The following PRELID2 variants were observed in gnomAD, a reference collection of about 807,000 sequenced individuals.
PRELID2 encodes the protein PRELI domain containing 2.
A neutral mutation model predicts 28.4 loss-of-function variants in PRELID2; 25 were observed. The observed-to-expected ratio is 0.88, with a 90% CI of 0.64 to 1.23. The LOEUF is 1.23. Among genes scored for constraint, PRELID2 ranks in the 50% most tolerant of loss-of-function variants. The probability of loss-of-function intolerance (pLI) is 0.00; values close to 1 mark genes in which losing one functional copy is unlikely to be tolerated. For missense variants in PRELID2, 201 were observed against 214.4 expected (o/e 0.94, Z 0.39); for synonymous variants, 76 against 71.6 (o/e 1.06, Z -0.31).
intron 3 of PRELID2, among the ~76,000 whole-genome samples, chr5:145,818,361 C>T (rs1444333426): frequency 6.6e-6 from 1 of 152,150 alleles, no homozygotes; most frequent in Non-Finnish European, 1.5e-5. Flanking sequence ...CTGGTTATGG[C>T]CTTCTTAAAT....
chr5:145,557,583 T>C (rs1752890354), intron 1 of PRELID2, among the ~76,000 whole-genome samples: 1 of 152,172 alleles, frequency 6.6e-6, no homozygotes. Flanking sequence ...CCAGAGGAGA[T>C]GCCGCTGGTG....
the PRELID2 span, among the ~76,000 whole-genome samples, chr5:145,416,946 C>T: frequency 1.3e-5 from 2 of 151,782 alleles, no homozygotes; most frequent in Non-Finnish European, 2.9e-5. Flanking sequence ...AAGTTAGTTA[C>T]ATCCTAGATA....
chr5:145,314,366 C>A, the PRELID2 span, among the ~76,000 whole-genome samples: 7 of 151,994 alleles, frequency 4.6e-5, no homozygotes, highest in Admixed American at 1.3e-4. Flanking sequence ...TTTAAATAAG[C>A]CATTGATTTT....
intron 5 of PRELID2, among the ~76,000 whole-genome samples, chr5:145,790,721 G>GTGTGGGTGTGTATA (rs772901344): frequency 9.0e-6 from 1 of 110,910 alleles, no homozygotes; most frequent in Admixed American, 1.0e-4. Context: ...GTGTGTGTGT[G>GTGTGGGTGTGTATA]TATATATATA....
At chr5:145,585,714 C>A (rs1435848563) in intron 1 of PRELID2, among the ~76,000 whole-genome samples, 2 of 152,082 alleles carry the variant, frequency 1.3e-5, no homozygotes, top group African/African-American at 2.4e-5. Flanking sequence ...TGCAAAGGGA[C>A]CTTTTTTTAA....
chr5:145,315,800 G>A, the PRELID2 span, among the ~76,000 whole-genome samples: 1 of 152,156 alleles, frequency 6.6e-6, no homozygotes, highest in Non-Finnish European at 1.5e-5. Context: ...GTAATAGGTG[G>A]AGGTAACAGG....
chr5:145,728,127 G>A (rs1435940721), intron 1 of PRELID2, among the ~76,000 whole-genome samples: 1 of 151,862 alleles, frequency 6.6e-6, no homozygotes, highest in Non-Finnish European at 1.5e-5. Context: ...ACCTCTTTAG[G>A]GCACTGACCA....
chr5:145,629,014 G>A (rs1156693444), intron 1 of PRELID2, among the ~76,000 whole-genome samples: 3 of 152,156 alleles, frequency 2.0e-5, no homozygotes, highest in African/African-American at 7.2e-5. Context: ...CGCCTGAGCT[G>A]GCTGAATTTA....
At chr5:145,826,796 C>T (rs2149882100) in intron 1 of PRELID2, among the ~76,000 whole-genome samples, 1 of 151,848 alleles carries the variant, frequency 6.6e-6, no homozygotes, top group South Asian at 2.1e-4. Context: ...ACAGAATATT[C>T]AATATGTTTC....
At chr5:145,373,941 T>C in the PRELID2 span, among the ~76,000 whole-genome samples, 1 of 142,102 alleles carries the variant, frequency 7.0e-6, no homozygotes, top group African/African-American at 2.6e-5. Flanking sequence ...TAACATAATA[T>C]ATATGATATT....
the PRELID2 span, among the ~76,000 whole-genome samples, chr5:145,351,588 C>T: frequency 1.3e-5 from 2 of 152,008 alleles, no homozygotes; most frequent in Non-Finnish European, 2.9e-5. Flanking sequence ...CACATTATTC[C>T]ACCCTTTTCC....
At chr5:145,383,323 A>G in the PRELID2 span, among the ~76,000 whole-genome samples, 1 of 140,414 alleles carries the variant, frequency 7.1e-6, no homozygotes, top group Non-Finnish European at 1.6e-5. Flanking sequence ...ATATACAGCT[A>G]TTTCATTTAT....
intron 1 of PRELID2, among the ~76,000 whole-genome samples, chr5:145,655,631 C>G (rs569053047): frequency 6.6e-6 from 1 of 152,084 alleles, no homozygotes; most frequent in Admixed American, 6.6e-5. Flanking sequence ...ACAAACCTGA[C>G]ACAAACAAGA....
At chr5:145,615,102 A>G (rs374780947) in intron 1 of PRELID2, among the ~76,000 whole-genome samples, 15 of 150,368 alleles carry the variant, frequency 1.0e-4, no homozygotes, top group African/African-American at 3.2e-4. Context: ...TTAGATGCAT[A>G]TATCTTTAGG....
At chr5:145,427,754 G>A in the PRELID2 span, among the ~76,000 whole-genome samples, 4 of 152,162 alleles carry the variant, frequency 2.6e-5, 1 homozygote, top group South Asian at 2.1e-4. Flanking sequence ...AGTGAATGGT[G>A]CTATGAGATA....
the PRELID2 span, among the ~76,000 whole-genome samples, chr5:145,453,461 G>A: frequency 3.0e-4 from 45 of 152,034 alleles, 1 homozygote; most frequent in Middle Eastern, 3.4e-3. Context: ...TTTTTATTTC[G>A]TTTATTTATA....
rs1756248391 is a variant in PRELID2, at chr5:145,728,715, C to G, written n.70+36216G>C. Reference sequence around the variant, plus strand: ...CACTTCAGCAAGTCCAAATATAGCCCAGAACAGTGTCTTAAAACTCTCTTC... The same window carrying G: ...CACTTCAGCAAGTCCAAATATAGCCGAGAACAGTGTCTTAAAACTCTCTTC... On this transcript the variant is annotated intron_variant and non_coding_transcript_variant, in intron 1 of 2. Transcript: ENST00000510259. 5.1e-6 allele frequency: 8 copies of G among 1,560,996 alleles called. No homozygotes were observed. The South Asian group carries it at 6.7e-5, about 13-fold the overall frequency.
intron 1 of PRELID2, among the ~76,000 whole-genome samples, chr5:145,485,913 A>G (rs1752213074): frequency 6.6e-6 from 1 of 152,214 alleles, no homozygotes; most frequent in African/African-American, 2.4e-5. Flanking sequence ...ATGAAAAATT[A>G]TTTATATAGG....
At chr5:145,530,047 C>T (rs989244475) in intron 1 of PRELID2, among the ~76,000 whole-genome samples, 2 of 152,124 alleles carry the variant, frequency 1.3e-5, no homozygotes, top group Admixed American at 6.6e-5. Context: ...GATAACTTCA[C>T]ATCTATTTTT....
Sources: allele counts gnomAD v4.1 joint callset (sites outside exome capture counted in the v4.1 genomes callset), GRCh38; gene constraint gnomAD v4.1.1; transcripts MANE v1.5; gene names NCBI Gene and HGNC (gene_info 2026-07-23, HGNC 2026-07-21).